Variants in DPP6 observed in about 807,000 individuals in gnomAD.
DPP6 encodes the protein A-type potassium channel modulatory protein DPP6.
In DPP6, 69 loss-of-function variants were observed where a neutral mutation model predicts 122.6. The observed-to-expected ratio is 0.56, with a 90% CI of 0.46 to 0.69. The LOEUF is 0.69. DPP6 is among the 30% of genes least tolerant of loss of function. The probability of loss-of-function intolerance (pLI) is 0.00; values close to 1 mark genes in which losing one functional copy is unlikely to be tolerated. For synonymous variants in DPP6, 418 were observed against 433.1 expected, an observed-to-expected ratio of 0.97 and a Z score of 0.43; for missense variants, 928 against 1,116.9, an observed-to-expected ratio of 0.83 and a Z score of 2.41.
chr7:154,766,306 T>C (rs1795895450), intron 8 of DPP6, among the ~76,000 whole-genome samples: 1 of 151,874 alleles, frequency 6.6e-6, no homozygotes, highest in Non-Finnish European at 1.5e-5. Flanking sequence ...GGTCGCTAAG[T>C]TCCCTTCTTT....
At chr7:154,250,438 G>T (rs759855878) in intron 1 of DPP6, among the ~76,000 whole-genome samples, 2 of 152,128 alleles carry the variant, frequency 1.3e-5, no homozygotes, top group African/African-American at 4.8e-5. Flanking sequence ...GGCTACTGGT[G>T]TGCATTGCCC....
At chr7:153,817,256 C>T in the DPP6 span, among the ~76,000 whole-genome samples, 2 of 148,238 alleles carry the variant, frequency 1.3e-5, no homozygotes, top group African/African-American at 5.0e-5. Flanking sequence ...GGTCACCAGG[C>T]AGCAGGTGCA....
intron 4 of DPP6, among the ~76,000 whole-genome samples, chr7:154,549,602 A>C (rs1415273991): frequency 5.9e-5 from 9 of 152,324 alleles, no homozygotes; most frequent in Middle Eastern, 6.8e-3. Flanking sequence ...TTGATTAAAA[A>C]AACAACAACA....
At chr7:153,892,139 T>C (rs1339529807) in intron 1 of DPP6, among the ~76,000 whole-genome samples, 1 of 152,222 alleles carries the variant, frequency 6.6e-6, no homozygotes, top group Non-Finnish European at 1.5e-5. Flanking sequence ...CATCTGAATG[T>C]GAACTTTCCA....
chr7:153,870,384 G>A, the DPP6 span, among the ~76,000 whole-genome samples: 12 of 151,892 alleles, frequency 7.9e-5, no homozygotes, highest in African/African-American at 1.2e-4. Context: ...TTCTCTTCTC[G>A]CTTCATTTCA....
At chr7:153,753,817 G>T in the DPP6 span, among the ~76,000 whole-genome samples, 1 of 152,064 alleles carries the variant, frequency 6.6e-6, no homozygotes, top group Admixed American at 6.6e-5. Context: ...ATTAATAATC[G>T]TAATATCTCC....
At chr7:154,464,364 C>T (rs1821603396) in intron 2 of DPP6, among the ~76,000 whole-genome samples, 1 of 152,212 alleles carries the variant, frequency 6.6e-6, no homozygotes, top group African/African-American at 2.4e-5. Context: ...CTTTCCCACT[C>T]TCTTCAGTGC....
At chr7:154,594,650 T>G (rs557728086) in intron 5 of DPP6, among the ~76,000 whole-genome samples, 32 of 152,288 alleles carry the variant, frequency 2.1e-4, no homozygotes, top group African/African-American at 7.7e-4. Context: ...GATTCCCACC[T>G]TTAAGTATCC....
chr7:154,237,735 C>T (rs1026767872), intron 1 of DPP6, among the ~76,000 whole-genome samples: 1 of 152,234 alleles, frequency 6.6e-6, no homozygotes, highest in Non-Finnish European at 1.5e-5. Context: ...CTTCAGGGAT[C>T]TGCATTCTGT....
At chr7:154,806,915 G>A (rs1334576633) in intron 15 of DPP6, 79 bp from the exon 16 acceptor site, 1 of 1,564,856 alleles carries the variant, frequency 6.4e-7, no homozygotes, top group African/African-American at 1.3e-5. Flanking sequence ...CATGGGGAGA[G>A]CCCACCAGCT....
intron 5 of DPP6, among the ~76,000 whole-genome samples, chr7:154,574,476 G>T (rs1448048001): frequency 1.2e-4 from 16 of 137,244 alleles, no homozygotes; most frequent in African/African-American, 4.1e-4. Flanking sequence ...GTATATGTGT[G>T]TGGTGTGTGT....
chr7:153,986,898 G>A (rs968159698), intron 1 of DPP6, among the ~76,000 whole-genome samples: 1 of 151,392 alleles, frequency 6.6e-6, no homozygotes, highest in African/African-American at 2.4e-5. Context: ...TAGATACTGA[G>A]AAAGTTCTAG....
At chr7:154,728,074 C>A (rs1842155934) in intron 8 of DPP6, among the ~76,000 whole-genome samples, 187 bp downstream of exon 8, 1 of 152,246 alleles carries the variant, frequency 6.6e-6, no homozygotes, top group African/African-American at 2.4e-5. Context: ...CAGAGAACAG[C>A]ATCAGGCTGT....
rs915409132 is a variant in DPP6 at position 154,461,474 on chromosome 7, A to G, written c.359-13465A>G. On this transcript the variant is annotated intron_variant, in intron 2 of 25. Coordinates refer to ENST00000377770, the MANE Select transcript of DPP6 (RefSeq NM_130797.4). ...CTCCATGGTGGTTGTACTAATTTGC[A>G]TTTTTATCAACAGTGTATGAGGGTT... Among the ~76,000 whole-genome samples, 8 of 152,130 alleles carry G rather than the reference A, an allele frequency of 5.3e-5. No homozygotes were observed. In the South Asian group the frequency reaches 1.0e-3, roughly 20 times the overall value.
chr7:154,557,139 C>A (rs1830101311), intron 4 of DPP6, among the ~76,000 whole-genome samples: 2 of 152,274 alleles, frequency 1.3e-5, no homozygotes, highest in Non-Finnish European at 2.9e-5. Flanking sequence ...TCATCTGTAG[C>A]ACCCATCGGG....
intron 21 of DPP6, 110 bp from the exon 22 acceptor site, chr7:154,885,523 A>G: frequency 7.1e-7 from 1 of 1,409,556 alleles, no homozygotes; most frequent in Non-Finnish European, 9.4e-7. Context: ...TTGTAAAAGG[A>G]GAGAACCTGC....
At chr7:153,776,123 G>T in the DPP6 span, among the ~76,000 whole-genome samples, 1 of 152,054 alleles carries the variant, frequency 6.6e-6, no homozygotes, top group Non-Finnish European at 1.5e-5. Flanking sequence ...AAATTGGAAA[G>T]GAAATAACAT....
chr7:154,028,869 C>T (rs1315520130), intron 1 of DPP6, among the ~76,000 whole-genome samples: 3 of 152,044 alleles, frequency 2.0e-5, no homozygotes, highest in Non-Finnish European at 2.9e-5. Flanking sequence ...GAGGAAACCA[C>T]GTTCTGGAGT....
intron 3 of DPP6, among the ~76,000 whole-genome samples, chr7:154,494,131 A>T (rs1228444411): frequency 6.6e-6 from 1 of 152,212 alleles, no homozygotes; most frequent in African/African-American, 2.4e-5. Flanking sequence ...AAGCCGAAAC[A>T]TCGCTTAAAC....
Sources: allele counts gnomAD v4.1 joint callset (sites outside exome capture counted in the v4.1 genomes callset), GRCh38; gene constraint gnomAD v4.1.1; transcripts MANE v1.5; gene names NCBI Gene and HGNC (gene_info 2026-07-23, HGNC 2026-07-21).